NPAS3: variants seen among roughly 807,000 people sequenced by gnomAD.
NPAS3 encodes neuronal PAS domain-containing protein 3.
Under a neutral mutation model 73.1 loss-of-function variants are expected in NPAS3, and 14 were observed. That is an observed-to-expected ratio of 0.19 (90% CI 0.13 to 0.30). NPAS3 has a LOEUF of 0.30. Among genes scored for constraint, NPAS3 ranks in the 10% least tolerant of loss-of-function variants. The probability of loss-of-function intolerance (pLI) is 1.00; values close to 1 mark genes in which losing one functional copy is unlikely to be tolerated. For missense variants in NPAS3, 1,096 were observed against 1,250.0 expected (o/e 0.88, Z 1.86); for synonymous variants, 620 against 541.5 (o/e 1.14, Z -2.01).
intron 4 of NPAS3, among the ~76,000 whole-genome samples, chr14:33,549,557 G>GATACATCA (rs1159453780): frequency 6.6e-5 from 10 of 152,104 alleles, no homozygotes; most frequent in African/African-American, 2.4e-4. Context: ...GTGATTATTT[G>GATACATCA]ATACATCAAT....
At chr14:33,697,440 G>A (rs557652785) in intron 6 of NPAS3, among the ~76,000 whole-genome samples, 1 of 152,266 alleles carries the variant, frequency 6.6e-6, no homozygotes, top group African/African-American at 2.4e-5. Context: ...AACAGAAAAG[G>A]CTTGCCTTCA....
chr14:33,518,789 T>TC (rs58809975), intron 4 of NPAS3, among the ~76,000 whole-genome samples: 93,036 of 151,768 alleles, frequency 0.61, 28,638 homozygotes, highest in South Asian at 0.74. Flanking sequence ...CCCAAATACT[T>TC]CTCCTTCTTA....
chr14:33,318,914 T>G (rs995028715), intron 3 of NPAS3, among the ~76,000 whole-genome samples: 38 of 152,156 alleles, frequency 2.5e-4, no homozygotes, highest in African/African-American at 5.5e-4. Context: ...CCAATTGTAC[T>G]GTGCACATTA....
At chr14:33,561,351 G>C (rs1272409270) in intron 5 of NPAS3, among the ~76,000 whole-genome samples, 1 of 152,188 alleles carries the variant, frequency 6.6e-6, no homozygotes, top group Non-Finnish European at 1.5e-5. Context: ...AAGGAGGCTT[G>C]GGGAAGGAGG....
chr14:33,567,484 C>T (rs933893235), intron 5 of NPAS3, among the ~76,000 whole-genome samples: 3 of 152,140 alleles, frequency 2.0e-5, no homozygotes, highest in East Asian at 1.9e-4. Context: ...GTGGGTGAGA[C>T]GCTGTTTGTG....
intron 6 of NPAS3, among the ~76,000 whole-genome samples, chr14:33,720,863 C>T (rs757871120): frequency 2.1e-4 from 32 of 152,128 alleles, no homozygotes; most frequent in Admixed American, 3.3e-4. Context: ...ATTTGTTAAT[C>T]CATGGGGTGA....
At chr14:33,775,281 C>T (rs574543012) in intron 8 of NPAS3, among the ~76,000 whole-genome samples, 310 of 152,250 alleles carry the variant, frequency 2.0e-3, no homozygotes, top group African/African-American at 7.0e-3. Flanking sequence ...GGAGAGGAGC[C>T]GCCCACATAC....
intron 2 of NPAS3, among the ~76,000 whole-genome samples, chr14:33,141,635 G>C (rs2044047708): frequency 1.3e-5 from 2 of 152,130 alleles, no homozygotes; most frequent in Admixed American, 1.3e-4. Flanking sequence ...AACATTTTAA[G>C]AGTATACAAT....
rs5807747 is a variant in NPAS3, at chr14:33,794,610, A to ATTTTT, written c.1301+577_1301+581dup. 9.5e-3 allele frequency among the ~76,000 whole-genome samples: 1,363 copies of ATTTTT among 143,332 alleles called. 27 individuals are homozygous for ATTTTT. The highest frequency in any genetic ancestry group is 0.033 in the African/African-American group (1,268 of 38,876). The allele number at this position is 143,332 out of a possible 152,430, so 94.0% of individuals were successfully genotyped here. A position where few individuals can be genotyped will look rare whatever the true frequency, so the allele number is the denominator to read the frequency against. ...AATAGCGGTGTAAAAAATGAAGGCA[A>ATTTTT]TTTTTTTTTTTTTTTGGCCCACTGC... On this transcript the variant is annotated intron_variant, in intron 10 of 11. Coordinates refer to ENST00000356141, the Ensembl canonical transcript of NPAS3.
intron 2 of NPAS3, among the ~76,000 whole-genome samples, chr14:33,167,832 A>G (rs1057162789): frequency 2.6e-5 from 4 of 152,220 alleles, no homozygotes; most frequent in Non-Finnish European, 4.4e-5. Flanking sequence ...GTTTACGATG[A>G]TATTTGCAGC....
chr14:33,609,354 C>A (rs2057678884), intron 5 of NPAS3, among the ~76,000 whole-genome samples: 4 of 152,228 alleles, frequency 2.6e-5, no homozygotes, highest in African/African-American at 9.6e-5. Flanking sequence ...TATGAGAGAC[C>A]ATTGGATAGA....
At chr14:33,407,459 T>C (rs2047717308) in intron 4 of NPAS3, among the ~76,000 whole-genome samples, 1 of 152,140 alleles carries the variant, frequency 6.6e-6, no homozygotes, top group African/African-American at 2.4e-5. Flanking sequence ...GCAATTCTTC[T>C]GCTGCAGTTT....
At chr14:33,010,694 G>A (rs182290159) in intron 1 of NPAS3, among the ~76,000 whole-genome samples, 478 of 152,250 alleles carry the variant, frequency 3.1e-3, no homozygotes, top group Middle Eastern at 6.8e-3. Flanking sequence ...GCTCACGCCT[G>A]TAATTTCAGT....
intron 7 of NPAS3, among the ~76,000 whole-genome samples, chr14:33,766,462 A>T (rs1344593705): frequency 2.6e-5 from 4 of 152,150 alleles, no homozygotes; most frequent in African/African-American, 9.7e-5. Flanking sequence ...TAGACTTTTT[A>T]TGCCACAGGA....
At chr14:33,676,252 C>T (rs369338887) in exon 6 of NPAS3, 57 of 1,613,876 alleles carry the variant, frequency 3.5e-5, no homozygotes, top group African/African-American at 2.0e-4. Context: ...ATGTCCACCC[C>T]GGAGATCACG....
chr14:33,550,207 C>T (rs988848873), intron 4 of NPAS3, among the ~76,000 whole-genome samples: 2 of 152,050 alleles, frequency 1.3e-5, no homozygotes, highest in African/African-American at 4.8e-5. Context: ...TTGTTTGAGA[C>T]GAGGTCTTAC....
intron 2 of NPAS3, among the ~76,000 whole-genome samples, chr14:33,059,769 G>A (rs969514448): frequency 6.6e-6 from 1 of 152,170 alleles, no homozygotes; most frequent in Admixed American, 6.5e-5. Flanking sequence ...TAAAATAGGA[G>A]AAAAGACACC....
chr14:33,586,239 A>ATGTT (rs2056853218), intron 5 of NPAS3, among the ~76,000 whole-genome samples: 1 of 151,230 alleles, frequency 6.6e-6, no homozygotes, highest in South Asian at 2.1e-4. Flanking sequence ...AAGCAATCAG[A>ATGTT]TGTTTTATTG....
chr14:33,456,103 G>A (rs1464650949), intron 4 of NPAS3, among the ~76,000 whole-genome samples: 1 of 152,166 alleles, frequency 6.6e-6, no homozygotes, highest in Non-Finnish European at 1.5e-5. Context: ...TGGATGGGAG[G>A]AATTTTTGGA....
Sources: gnomAD v4.1 joint callset for allele counts (sites outside exome capture counted in the v4.1 genomes callset) on GRCh38, gnomAD v4.1.1 for gene constraint, MANE v1.5 for transcripts, NCBI Gene and HGNC (gene_info 2026-07-23, HGNC 2026-07-21) for gene names.